KIAA0930: variants seen among roughly 807,000 people sequenced by gnomAD.
KIAA0930 encodes KIAA0930, also known as uncharacterized protein KIAA0930.
In KIAA0930, 24 loss-of-function variants were observed where a neutral mutation model predicts 43.9. That is an observed-to-expected ratio of 0.55 (90% CI 0.40 to 0.77). The LOEUF is 0.77. Ranked by LOEUF, KIAA0930 falls within the 30% of genes least tolerant of loss-of-function variation. The pLI, the probability that KIAA0930 is intolerant of heterozygous loss-of-function variation, is 0.00. For missense variants in KIAA0930, 461 were observed against 574.2 expected (o/e 0.80, Z 2.02); for synonymous variants, 259 against 216.4 (o/e 1.20, Z -1.73).
intron 1 of KIAA0930, among the ~76,000 whole-genome samples, chr22:45,223,879 C>T (rs932069139): frequency 4.6e-5 from 7 of 151,180 alleles, no homozygotes; most frequent in Non-Finnish European, 1.0e-4. Context: ...AGATAAGCAC[C>T]CAGGGTCAGC....
At chr22:45,218,768 C>T (rs1357189264) in intron 1 of KIAA0930, among the ~76,000 whole-genome samples, 1 of 152,084 alleles carries the variant, frequency 6.6e-6, no homozygotes, top group African/African-American at 2.4e-5. Context: ...TAAGCGAACC[C>T]GGGGGTCACC....
intron 1 of KIAA0930, among the ~76,000 whole-genome samples, chr22:45,212,778 T>C (rs2083706379): frequency 6.6e-6 from 1 of 152,240 alleles, no homozygotes; most frequent in Non-Finnish European, 1.5e-5. Context: ...CAGGCTTTGG[T>C]AGGGAAGATC....
intron 2 of KIAA0930, among the ~76,000 whole-genome samples, chr22:45,208,710 C>T (rs756843464): frequency 2.0e-5 from 3 of 152,226 alleles, no homozygotes; most frequent in African/African-American, 7.2e-5. Flanking sequence ...ACTGTGTACA[C>T]GTCTGTGTTT....
At chr22:45,229,459 G>GCCGT (rs1343807046) in intron 1 of KIAA0930, among the ~76,000 whole-genome samples, 2 of 151,940 alleles carry the variant, frequency 1.3e-5, no homozygotes, top group African/African-American at 4.8e-5. Flanking sequence ...AAAAGTCAGA[G>GCCGT]CCGTGGAGGG....
At position 45,193,550 on chromosome 22, in the gene KIAA0930, G is replaced by A; in HGVS notation, c.*3626C>T. On this transcript the variant is annotated 3_prime_UTR_variant, in exon 10 of 10. Transcript: ENST00000336156. ...CATTCTTTGGGGGAGGGCACCTCAG[G>A]AACATGCATTTATACCCTTCCTGTG... is the stretch of plus-strand genomic sequence containing the variant. 1 of 152,184 alleles carries A rather than the reference G, an allele frequency of 6.6e-6. No homozygotes were observed. The highest frequency in any genetic ancestry group is 1.5e-5 in the Non-Finnish European group (1 of 68,042). The allele number at this position is 152,184 out of a possible 1,614,324, so 9.4% of individuals were successfully genotyped here.
chr22:45,206,028 T>C (rs2083635187), intron 2 of KIAA0930, 116 bp from the exon 3 acceptor site: 1 of 1,512,768 alleles, frequency 6.6e-7, no homozygotes, highest in South Asian at 1.3e-5. Context: ...TTTCTTACTA[T>C]TTTTTGAGAC....
rs569144312 is a variant in KIAA0930 at position 45,234,110 on chromosome 22, C to T, written c.64+6530G>A. On this transcript the variant is annotated intron_variant, in intron 1 of 9. Coordinates refer to ENST00000336156, the MANE Select transcript of KIAA0930 (RefSeq NM_001009880.2). Reference sequence around the variant, plus strand: ...GAGACCCGGGGGCCTTGGCAGAGGCCGGGCACATGTACTGACCCTGAGGGG... The same window carrying T: ...GAGACCCGGGGGCCTTGGCAGAGGCTGGGCACATGTACTGACCCTGAGGGG... Among the ~76,000 whole-genome samples the T allele has an allele frequency of 1.6e-4, 25 of 152,294 alleles. No homozygotes were observed. In the South Asian group the frequency reaches 4.6e-3, roughly 28 times the overall value.
At chr22:45,238,870 G>C (rs1434750975) in intron 1 of KIAA0930, among the ~76,000 whole-genome samples, 1 of 148,830 alleles carries the variant, frequency 6.7e-6, no homozygotes, top group African/African-American at 2.6e-5. Context: ...GTTGTCCCTG[G>C]GCAGGCTCTC....
chr22:45,206,295 G>T (rs2083637507), intron 2 of KIAA0930, among the ~76,000 whole-genome samples: 1 of 152,184 alleles, frequency 6.6e-6, no homozygotes, highest in African/African-American at 2.4e-5. Flanking sequence ...GGGATTACAG[G>T]TGTGAGCCAC....
chr22:45,199,275 G>T (rs900924082), intron 8 of KIAA0930, among the ~76,000 whole-genome samples: 1 of 152,160 alleles, frequency 6.6e-6, no homozygotes, highest in Admixed American at 6.5e-5. Flanking sequence ...GTGCTCAGGA[G>T]AGAGTGCAGA....
intron 7 of KIAA0930, chr22:45,201,072 G>C: frequency 4.2e-6 from 2 of 481,032 alleles, no homozygotes; most frequent in South Asian, 3.2e-5. Context: ...GACTTCGGGA[G>C]CCCCGTCAGC....
chr22:45,197,081 G>T lies in KIAA0930; in HGVS notation c.*95C>A. 1 of 1,081,544 alleles carries T rather than the reference G, an allele frequency of 9.2e-7. No individual in the cohort carries two copies. Among genetic ancestry groups the T allele is most frequent in the Non-Finnish European group, 1.3e-6 (1 of 777,638 alleles). 67.0% of individuals were successfully genotyped at this position (1,081,544 alleles called of 1,614,324 possible). The stretch of plus-strand genomic sequence containing the variant: ...CTGGCTGCGGCTCCAGCACTGGCGT[G>T]CCATCGCAGACCCCGGTGGCGGTGG... On this transcript the variant is annotated 3_prime_UTR_variant, in exon 10 of 10. Transcript: ENST00000336156.
At chr22:45,209,319 CAG>C (rs1491112613) in intron 2 of KIAA0930, among the ~76,000 whole-genome samples, 9 of 119,912 alleles carry the variant, frequency 7.5e-5, no homozygotes, top group Admixed American at 6.2e-4. Context: ...GGGCTTTTGC[CAG>C]GGGGGGTCTC....
chr22:45,229,309 C>T lies in KIAA0930; in HGVS notation c.64+11331G>A, dbSNP rs111931388. Among the ~76,000 whole-genome samples the T allele has an allele frequency of 4.3e-3, 334 of 78,502 alleles. 32 individuals carry two copies. The highest frequency in any genetic ancestry group is 6.8e-3 in the Middle Eastern group (1 of 148). The allele number at this position is 78,502 out of a possible 152,430, so 51.5% of individuals were successfully genotyped here. On this transcript the variant is annotated intron_variant, in intron 1 of 9. Transcript: ENST00000336156. ...CGCCATCACCACTCACCTGAAAGATCCCTCTCCACATCCCCACCACCACTC... is the reference window on the plus strand; with the variant it reads ...CGCCATCACCACTCACCTGAAAGATTCCTCTCCACATCCCCACCACCACTC...
rs752298111 is a variant in KIAA0930, at chr22:45,218,333, A to ATTTTT, written c.65-6231_65-6227dup. Among the ~76,000 whole-genome samples, 99 of 51,698 alleles carry ATTTTT rather than the reference A, an allele frequency of 1.9e-3. 5 individuals carry two copies. Among genetic ancestry groups the ATTTTT allele is most frequent in the African/African-American group, 4.2e-3 (52 of 12,298 alleles). 33.9% of individuals were successfully genotyped at this position (51,698 alleles called of 152,430 possible). ...CCATCACACCCAGCTAATTTTTTTG[A>ATTTTT]TTTTTTTTTTTTTTTTTTTTTTTTT... On this transcript the variant is annotated intron_variant, in intron 1 of 9. Transcript: ENST00000336156.
intron 1 of KIAA0930, among the ~76,000 whole-genome samples, chr22:45,216,461 G>A (rs1160029478): frequency 6.6e-6 from 1 of 151,836 alleles, no homozygotes; most frequent in Non-Finnish European, 1.5e-5. Flanking sequence ...CACCGAGCAC[G>A]GCAGTGTGGC....
chr22:45,201,863 C>A (rs987597067), intron 7 of KIAA0930, among the ~76,000 whole-genome samples: 1 of 152,232 alleles, frequency 6.6e-6, no homozygotes, highest in Non-Finnish European at 1.5e-5. Context: ...TCCCTCATCT[C>A]AGGCATGCCT....
chr22:45,230,910 C>T (rs1425049641), intron 1 of KIAA0930, among the ~76,000 whole-genome samples: 3 of 151,998 alleles, frequency 2.0e-5, no homozygotes, highest in Non-Finnish European at 4.4e-5. Flanking sequence ...AGTCAGACTC[C>T]TCCACAATGA....
chr22:45,208,436 C>CCACCGACT (rs144157571), intron 2 of KIAA0930, among the ~76,000 whole-genome samples: 3 of 89,918 alleles, frequency 3.3e-5, no homozygotes, highest in Non-Finnish European at 5.6e-5. Flanking sequence ...ACAGGCAGAA[C>CCACCGACT]CCAACTCCAC....
Sources: allele counts gnomAD v4.1 joint callset (sites outside exome capture counted in the v4.1 genomes callset), GRCh38; gene constraint gnomAD v4.1.1; transcripts MANE v1.5; gene names NCBI Gene and HGNC (gene_info 2026-07-23, HGNC 2026-07-21).